The following SOX5 variants were observed in gnomAD, a reference collection of about 807,000 sequenced individuals.
SOX5 encodes the protein SRY-box transcription factor 5, also known as transcription factor SOX-5.
SOX5 carries 9 observed loss-of-function variants against 92.0 expected under a neutral mutation model. That is an observed-to-expected ratio of 0.10 (90% CI 0.06 to 0.17). The LOEUF is 0.17. Ranked by LOEUF, SOX5 falls within the 10% of genes least tolerant of loss-of-function variation. The pLI is 1.00. For synonymous variants in SOX5, 344 were observed against 336.3 expected (o/e 1.02, Z -0.25); for missense variants, 642 against 944.5 (o/e 0.68, Z 4.20).
intron 4 of SOX5, among the ~76,000 whole-genome samples, chr12:24,210,199 A>T (rs1360410915): frequency 4.6e-5 from 7 of 151,932 alleles, no homozygotes; most frequent in Admixed American, 3.3e-4. Flanking sequence ...AATGTAAGTA[A>T]CTCTTTATTC....
intron 3 of SOX5, among the ~76,000 whole-genome samples, chr12:23,844,548 C>CA (rs1193995889): frequency 6.6e-6 from 1 of 151,940 alleles, no homozygotes; most frequent in Non-Finnish European, 1.5e-5. Flanking sequence ...TCAAAAATAT[C>CA]AAAAAAATTC....
At chr12:24,276,780 A>T (rs1421434258) in intron 3 of SOX5, among the ~76,000 whole-genome samples, 1 of 152,196 alleles carries the variant, frequency 6.6e-6, no homozygotes, top group Non-Finnish European at 1.5e-5. Flanking sequence ...TATTAACAGA[A>T]TCATACCCTG....
In SOX5 at chr12:23,962,692, T is replaced by C. The variant is rs1002122690; in HGVS notation, c.-1-66668A>G. Among the ~76,000 whole-genome samples the C allele has an allele frequency of 2.6e-5, 4 of 152,332 alleles. No individual in the cohort carries two copies. The South Asian group carries it at 8.3e-4, about 32-fold the overall frequency. On this transcript the variant is annotated intron_variant, in intron 4 of 4. Coordinates refer to the SOX5 transcript ENST00000446891. ...GCTATTTTTGCAATTAGGCAGGCACTGCTATTTTGATTGCATTTAAAGTGA... is the reference window on the plus strand; with the variant it reads ...GCTATTTTTGCAATTAGGCAGGCACCGCTATTTTGATTGCATTTAAAGTGA...
intron 4 of SOX5, among the ~76,000 whole-genome samples, chr12:24,113,779 G>C (rs1164050395): frequency 6.6e-6 from 1 of 152,164 alleles, no homozygotes; most frequent in Non-Finnish European, 1.5e-5. Context: ...AACGGAAAAA[G>C]CAACTGGGTG....
intron 6 of SOX5, among the ~76,000 whole-genome samples, chr12:23,712,666 A>G (rs1481652024): frequency 3.9e-5 from 6 of 152,240 alleles, no homozygotes; most frequent in Non-Finnish European, 8.8e-5. Flanking sequence ...GTCCTTTGAC[A>G]CTAAGTTCAG....
At chr12:23,780,832 C>T (rs1410739357) in intron 3 of SOX5, among the ~76,000 whole-genome samples, 2 of 151,946 alleles carry the variant, frequency 1.3e-5, no homozygotes, top group South Asian at 4.1e-4. Flanking sequence ...ATTTAAAAAT[C>T]TGAGTCTGGC....
Position 24,459,834 on chromosome 12 carries a change from G to C in SOX5, c.-250-91195C>G, listed in dbSNP as rs1943429005. Among the ~76,000 whole-genome samples the C allele has an allele frequency of 2.6e-5, 4 of 152,156 alleles. No homozygotes were observed. The South Asian group carries it at 8.3e-4, about 32-fold the overall frequency. On this transcript the variant is annotated intron_variant, in intron 1 of 4. Coordinates refer to the SOX5 transcript ENST00000446891. ...TTTTAGTAGAGAGTGGCCAGCTGCTGAGTTTAAAAAAATATATTTCAGGGA... is the reference window on the plus strand; with the variant it reads ...TTTTAGTAGAGAGTGGCCAGCTGCTCAGTTTAAAAAAATATATTTCAGGGA...
At chr12:24,525,093 C>G (rs563725529) in intron 1 of SOX5, among the ~76,000 whole-genome samples, 42 of 152,334 alleles carry the variant, frequency 2.8e-4, no homozygotes, top group Admixed American at 5.9e-4. Flanking sequence ...CAAATCAGCA[C>G]TCACATGTTC....
upstream of SOX5, among the ~76,000 whole-genome samples, chr12:23,953,458 T>C (rs914350262): frequency 2.0e-5 from 3 of 152,080 alleles, no homozygotes; most frequent in Non-Finnish European, 2.9e-5. Flanking sequence ...CAATGTGATG[T>C]TTGTTAAGGT....
chr12:23,543,131 T>C, intron 13 of SOX5, 80 bp downstream of exon 13: 1 of 1,220,140 alleles, frequency 8.2e-7, no homozygotes, highest in Admixed American at 2.1e-5. Flanking sequence ...GGCCTCCAAA[T>C]CCAGGATCCT....
intron 1 of SOX5, among the ~76,000 whole-genome samples, chr12:24,496,971 C>T (rs943985429): frequency 6.6e-6 from 1 of 152,188 alleles, no homozygotes; most frequent in Admixed American, 6.5e-5. Context: ...TGTTATGACA[C>T]AGAGCTGTCC....
At chr12:23,941,701 C>G (rs1490441672) in intron 1 of SOX5, among the ~76,000 whole-genome samples, 1 of 151,364 alleles carries the variant, frequency 6.6e-6, no homozygotes, top group Non-Finnish European at 1.5e-5. Context: ...ATTTTATATT[C>G]AGTTATCACT....
At chr12:24,437,576 A>G (rs1020781402) in intron 1 of SOX5, among the ~76,000 whole-genome samples, 4 of 152,224 alleles carry the variant, frequency 2.6e-5, no homozygotes, top group African/African-American at 9.6e-5. Context: ...CAAAGAACTT[A>G]AACAAATTTA....
intron 4 of SOX5, among the ~76,000 whole-genome samples, chr12:24,127,630 C>G (rs1457970643): frequency 6.6e-6 from 1 of 152,114 alleles, no homozygotes; most frequent in Admixed American, 6.6e-5. Context: ...GAGACTATAT[C>G]TTTGTTTTAC....
chr12:24,302,189 T>C (rs1174686081), intron 2 of SOX5, among the ~76,000 whole-genome samples: 4 of 152,190 alleles, frequency 2.6e-5, no homozygotes, highest in Non-Finnish European at 5.9e-5. Context: ...TAAAGATATT[T>C]CTATACTGAT....
At chr12:24,146,282 T>C (rs1593599048) in intron 4 of SOX5, among the ~76,000 whole-genome samples, 1 of 152,262 alleles carries the variant, frequency 6.6e-6, no homozygotes. Context: ...CTACATAGTA[T>C]GTTCCCTAAC....
At chr12:23,610,816 A>C (rs1401596829) in intron 8 of SOX5, among the ~76,000 whole-genome samples, 6 of 152,132 alleles carry the variant, frequency 3.9e-5, no homozygotes, top group African/African-American at 7.2e-5. Context: ...ACAGTAACTG[A>C]ATGTCTATTT....
At chr12:23,963,700 T>C (rs544745149) in intron 4 of SOX5, among the ~76,000 whole-genome samples, 8 of 145,922 alleles carry the variant, frequency 5.5e-5, no homozygotes, top group Admixed American at 2.8e-4. Context: ...TTCTATACAA[T>C]GGATAGTTTT....
intron 3 of SOX5, among the ~76,000 whole-genome samples, chr12:24,258,036 G>A (rs558509993): frequency 2.6e-5 from 4 of 152,142 alleles, no homozygotes; most frequent in African/African-American, 7.2e-5. Context: ...AGCTGGGCGC[G>A]GTGGCGGGCA....
Sources: gnomAD v4.1 joint callset for allele counts (sites outside exome capture counted in the v4.1 genomes callset) on GRCh38, gnomAD v4.1.1 for gene constraint, MANE v1.5 for transcripts, NCBI Gene and HGNC (gene_info 2026-07-23, HGNC 2026-07-21) for gene names.